GOLGB1: variants seen among roughly 807,000 people sequenced by gnomAD.
GOLGB1 encodes golgin B1.
GOLGB1 carries 174 observed loss-of-function variants against 336.9 expected under a neutral mutation model. That is an observed-to-expected ratio of 0.52 (90% CI 0.46 to 0.59). GOLGB1 has a LOEUF of 0.59. Among genes scored for constraint, GOLGB1 ranks in the 20% least tolerant of loss-of-function variants. The probability of loss-of-function intolerance (pLI) is 0.00; values close to 1 mark genes in which losing one functional copy is unlikely to be tolerated. For synonymous variants in GOLGB1, 1,208 were observed against 1,289.2 expected (o/e 0.94, Z 1.35); for missense variants, 3,331 against 3,645.3 (o/e 0.91, Z 2.22).
intron 2 of GOLGB1, chr3:121,730,359 T>TTTA (rs1945997175): frequency 5.0e-6 from 1 of 201,736 alleles, no homozygotes. Flanking sequence ...CACTACGCAT[T>TTTA]ACTTCTTGTC....
At position 121,717,016 on chromosome 3, in the gene GOLGB1, TTC is replaced by T; in HGVS notation, c.1007_1008del (p.Arg336LysfsTer6). The T allele has an allele frequency of 6.2e-7, 1 of 1,614,100 alleles. No individual in the cohort carries two copies. The highest frequency in any genetic ancestry group is 8.5e-7 in the Non-Finnish European group (1 of 1,179,958). ...LEKMELEVAERKLSFHNLQEE... is the reference protein window; with the variant it reads ...LEKMELEVAEXKLSFHNLQEE... The stretch of plus-strand genomic sequence containing the variant: ...TCCTGCAGATTATGGAAGGATAATT[TTC>T]TCTCTGCCACTTCAAGTTCCATCTT... On this transcript the variant is annotated frameshift_variant, in exon 9 of 22. Transcript: ENST00000614479. LOFTEE classifies it high-confidence loss of function.
intron 1 of GOLGB1, among the ~76,000 whole-genome samples, chr3:121,747,895 T>C (rs1216180681): frequency 6.6e-6 from 1 of 152,138 alleles, no homozygotes; most frequent in Non-Finnish European, 1.5e-5. Context: ...AATACAGCAA[T>C]ATAGAGCTTA....
chr3:121,710,059 GA>G (rs543802111), intron 10 of GOLGB1, among the ~76,000 whole-genome samples: 4,628 of 83,560 alleles, frequency 0.055, 289 homozygotes, highest in Admixed American at 0.26. Context: ...AAAACCCCAG[GA>G]AAAAAAAAAA....
chr3:121,745,377 T>G (rs1016719184), intron 1 of GOLGB1, among the ~76,000 whole-genome samples: 1 of 98,086 alleles, frequency 1.0e-5, no homozygotes, highest in Non-Finnish European at 2.0e-5. Context: ...TGTACACGTG[T>G]ATGTATATAT....
At position 121,696,519 on chromosome 3, in the gene GOLGB1, CTTG is replaced by C; in HGVS notation, c.4001_4003del (p.Thr1334del). ...CTCTTCTGATTTTTTAGTAAGCTCA[CTTG>C]TTGTAGAACTAACTTTCAATTCTAA... On this transcript the variant is annotated inframe_deletion, in exon 13 of 22. Transcript: ENST00000614479. The C allele has an allele frequency of 6.2e-7, 1 of 1,614,176 alleles. No homozygotes were observed. Among genetic ancestry groups the C allele is most frequent in the Non-Finnish European group, 8.5e-7 (1 of 1,180,010 alleles).
rs1223143629 is a variant in GOLGB1 at position 121,681,679 on chromosome 3, T to C, written c.8873+8A>G. 2 of 1,556,090 alleles carry C rather than the reference T, an allele frequency of 1.3e-6. No homozygotes were observed. Among genetic ancestry groups the C allele is most frequent in the African/African-American group, 1.4e-5 (1 of 72,442 alleles). On this transcript the variant is annotated splice_region_variant and intron_variant, in intron 15 of 21. Transcript: ENST00000614479. ...AAAGAGTTGAAAAGGAGGGATTATA[T>C]ATAGTACCTGAGCTGATGCAGCTCA...
In GOLGB1 at chr3:121,694,305, T is replaced by C. The variant is rs777964456; in HGVS notation, c.6218A>G (p.Glu2073Gly). 6.2e-7 allele frequency: 1 copy of C among 1,610,874 alleles called. No individual in the cohort carries two copies. ...TTCTGCTTGTGCCTTTTTGCGGTGT[T>C]CAACTGCTTGAGCCAGATTTTCTTT... ...ITKENLAQAV[E>G]HRKKAQAELA... The change falls in exon 13 of 22, where the codon GAA (glutamate) becomes GGA (glycine). Residue 2073 changes from glutamate to glycine, a missense_variant. By Grantham distance (98) the Glu-to-Gly change is moderately conservative. Transcript: ENST00000614479.
intron 17 of GOLGB1, among the ~76,000 whole-genome samples, chr3:121,669,908 A>G (rs1939242611): frequency 6.6e-6 from 1 of 152,202 alleles, no homozygotes; most frequent in African/African-American, 2.4e-5. Flanking sequence ...ATGTATATGT[A>G]TATGTCAGAA....
chr3:121,744,812 T>A (rs1947134107), intron 1 of GOLGB1, among the ~76,000 whole-genome samples: 1 of 152,066 alleles, frequency 6.6e-6, no homozygotes, highest in Non-Finnish European at 1.5e-5. Flanking sequence ...AAAAGGAGTC[T>A]CTCATAGATT....
rs545655734 is a variant in GOLGB1 at position 121,671,097 on chromosome 3, C to T, written c.9178-1742G>A. Among the ~76,000 whole-genome samples the T allele has an allele frequency of 2.0e-5, 3 of 152,290 alleles. No homozygotes were observed. In the South Asian group the frequency reaches 6.2e-4, roughly 32 times the overall value. On this transcript the variant is annotated intron_variant, in intron 17 of 21. Coordinates refer to ENST00000614479, the MANE Select transcript of GOLGB1 (RefSeq NM_001366282.2). ...TATGGCTGCGTTTGTGTTACAACTG[C>T]AAAGATGAGTAGTTGTTAACAAAGA... is the stretch of plus-strand genomic sequence containing the variant.
intron 10 of GOLGB1, among the ~76,000 whole-genome samples, chr3:121,707,873 A>G (rs1485195385): frequency 6.6e-6 from 1 of 152,238 alleles, no homozygotes. Context: ...TTTACTATAC[A>G]TAAAAGGATT....
At position 121,720,002 on chromosome 3, in the gene GOLGB1, T is replaced by A. The variant is rs576360967; in HGVS notation, c.649-234A>T. On this transcript the variant is annotated intron_variant, in intron 6 of 21. Coordinates refer to ENST00000614479, the MANE Select transcript of GOLGB1 (RefSeq NM_001366282.2). ...AAGTTAGCCTAAACATAAATTTTGATCAAAAATTATATGTTCATGGTTACT... is the reference window on the plus strand; with the variant it reads ...AAGTTAGCCTAAACATAAATTTTGAACAAAAATTATATGTTCATGGTTACT... Among the ~76,000 whole-genome samples the A allele has an allele frequency of 5.9e-5, 9 of 152,298 alleles. No homozygotes were observed. The South Asian group carries it at 1.9e-3, about 32-fold the overall frequency.
chr3:121,688,333 G>A (rs545495556), intron 14 of GOLGB1, among the ~76,000 whole-genome samples: 45 of 152,272 alleles, frequency 3.0e-4, no homozygotes, highest in African/African-American at 9.1e-4. Context: ...TTGCAGGCGC[G>A]CGCCGCCACG....
chr3:121,694,061 G>A lies in GOLGB1; in HGVS notation c.6462C>T (p.Arg2154=). ...TCTCTTCCAAGTGGACTTTTTCTCT[G>A]CGCAAAGCATCCAGTTTCTCTTGCA... ...KNMQEKLDAL[R]REKVHLEETI... Residue 2154 remains arginine, a synonymous_variant, in exon 13 of 22, where the codon CGC becomes CGT. Coordinates refer to ENST00000614479, the MANE Select transcript of GOLGB1 (RefSeq NM_001366282.2). The A allele has an allele frequency of 6.2e-7, 1 of 1,613,854 alleles. No individual in the cohort carries two copies. The highest frequency in any genetic ancestry group is 8.5e-7 in the Non-Finnish European group (1 of 1,179,868).
chr3:121,715,627 A>G (rs191789961), intron 9 of GOLGB1, among the ~76,000 whole-genome samples: 2 of 152,124 alleles, frequency 1.3e-5, no homozygotes, highest in Non-Finnish European at 2.9e-5. Flanking sequence ...ATTCCACCAC[A>G]TGGTTTTAAA....
intron 14 of GOLGB1, among the ~76,000 whole-genome samples, chr3:121,688,310 C>T (rs1352438408): frequency 6.6e-6 from 1 of 152,168 alleles, no homozygotes; most frequent in Admixed American, 6.5e-5. Flanking sequence ...CTCAGCCTGC[C>T]GAGTGCCTGC....
At chr3:121,681,983 G>A in intron 14 of GOLGB1, 118 bp from the exon 15 acceptor site, 2 of 679,150 alleles carry the variant, frequency 2.9e-6, no homozygotes, top group East Asian at 5.3e-5. Context: ...GCACCTAACA[G>A]TCCACTGATG....
chr3:121,704,773 T>C (rs1187896812), intron 10 of GOLGB1, among the ~76,000 whole-genome samples: 4 of 35,942 alleles, frequency 1.1e-4, no homozygotes, highest in East Asian at 7.2e-4. Flanking sequence ...TGAAACTCCA[T>C]CTCAAAAAAA....
intron 1 of GOLGB1, among the ~76,000 whole-genome samples, chr3:121,745,752 A>G (rs553424400): frequency 2.3e-4 from 35 of 152,368 alleles, no homozygotes; most frequent in African/African-American, 8.4e-4. Context: ...CAGGGATTCC[A>G]TAAAACACTA....
Sources: allele counts gnomAD v4.1 joint callset (sites outside exome capture counted in the v4.1 genomes callset), GRCh38; gene constraint gnomAD v4.1.1; transcripts MANE v1.5; gene names NCBI Gene and HGNC (gene_info 2026-07-23, HGNC 2026-07-21).